PACRG: variants seen among roughly 807,000 people sequenced by gnomAD.
The protein encoded by PACRG is parkin coregulated gene protein.
Under a neutral mutation model 29.7 loss-of-function variants are expected in PACRG, and 29 were observed. The ratio of observed to expected loss-of-function variants is 0.98; its 90% CI spans 0.73 to 1.33. The LOEUF (loss-of-function observed/expected upper bound fraction) is 1.33, where lower values mean the gene tolerates loss of function less well. Among genes scored for constraint, PACRG ranks in the 40% most tolerant of loss-of-function variants. The pLI, the probability that PACRG is intolerant of heterozygous loss-of-function variation, is 0.00. For missense variants in PACRG, 279 were observed against 316.2 expected (o/e 0.88, Z 0.89); for synonymous variants, 116 against 118.7 (o/e 0.98, Z 0.15).
At chr6:163,053,069 G>C (rs1189354688) in intron 2 of PACRG, among the ~76,000 whole-genome samples, 1 of 151,862 alleles carries the variant, frequency 6.6e-6, no homozygotes, top group African/African-American at 2.4e-5. Context: ...TTTAATTCTG[G>C]ATTTCTTAAA....
At chr6:162,870,304 A>T (rs1674405188) in intron 2 of PACRG, among the ~76,000 whole-genome samples, 1 of 152,256 alleles carries the variant, frequency 6.6e-6, no homozygotes, top group Non-Finnish European at 1.5e-5. Flanking sequence ...ATGGATTATT[A>T]CAATACTCTA....
At chr6:162,869,783 A>AAT (rs1249645090) in intron 2 of PACRG, among the ~76,000 whole-genome samples, 2 of 152,374 alleles carry the variant, frequency 1.3e-5, no homozygotes, top group Non-Finnish European at 2.9e-5. Context: ...TTCAGCAAAG[A>AAT]ATATTCTTCC....
intron 4 of PACRG, among the ~76,000 whole-genome samples, chr6:163,311,671 G>C (rs763785381): frequency 6.6e-6 from 1 of 152,074 alleles, no homozygotes; most frequent in East Asian, 1.9e-4. Flanking sequence ...CCAATGATAC[G>C]CATTCTGCAA....
intron 3 of PACRG, among the ~76,000 whole-genome samples, chr6:163,085,006 C>T (rs565993414): frequency 4.9e-4 from 74 of 151,992 alleles, no homozygotes; most frequent in African/African-American, 1.5e-3. Flanking sequence ...AAAAGAACAA[C>T]ACTGGGATAC....
intron 2 of PACRG, among the ~76,000 whole-genome samples, chr6:162,946,472 A>G (rs1248182521): frequency 6.6e-6 from 1 of 152,138 alleles, no homozygotes; most frequent in Non-Finnish European, 1.5e-5. Flanking sequence ...CAGACTGGTA[A>G]TAAGATTAGA....
intron 4 of PACRG, among the ~76,000 whole-genome samples, chr6:163,148,444 G>C (rs114532001): frequency 0.015 from 2,318 of 152,306 alleles, 59 homozygotes; most frequent in African/African-American, 0.052. Flanking sequence ...TGGCCATCAC[G>C]GGCAGGTTCG....
At chr6:162,874,924 TAC>T (rs751883982) in intron 2 of PACRG, among the ~76,000 whole-genome samples, 44 of 151,968 alleles carry the variant, frequency 2.9e-4, no homozygotes, top group African/African-American at 6.5e-4. Context: ...CACATTCATA[TAC>T]ACACACACAT....
At chr6:163,241,764 G>T (rs1238361064) in intron 4 of PACRG, among the ~76,000 whole-genome samples, 1 of 152,180 alleles carries the variant, frequency 6.6e-6, no homozygotes, top group Non-Finnish European at 1.5e-5. Context: ...ACCATGAAGC[G>T]GGTGTGTAGA....
chr6:163,016,640 T>C (rs1209791351), intron 2 of PACRG, among the ~76,000 whole-genome samples: 3 of 152,110 alleles, frequency 2.0e-5, no homozygotes, highest in African/African-American at 7.2e-5. Flanking sequence ...AATGAGCTAG[T>C]AAGTTTTTTT....
intron 2 of PACRG, among the ~76,000 whole-genome samples, chr6:162,995,588 C>T (rs1010343444): frequency 6.6e-6 from 1 of 152,226 alleles, no homozygotes; most frequent in Non-Finnish European, 1.5e-5. Context: ...AATGCCTTGC[C>T]CTGCTTCGGC....
At chr6:163,012,487 A>G (rs1016028683) in intron 2 of PACRG, among the ~76,000 whole-genome samples, 4 of 152,246 alleles carry the variant, frequency 2.6e-5, no homozygotes, top group South Asian at 2.1e-4. Flanking sequence ...TAATATATCC[A>G]TAAGTGTATA....
intron 2 of PACRG, among the ~76,000 whole-genome samples, chr6:163,047,413 T>C (rs1809508537): frequency 6.6e-6 from 1 of 152,244 alleles, no homozygotes; most frequent in South Asian, 2.1e-4. Flanking sequence ...TTTAGGAAAT[T>C]CCTTTAACTA....
intron 2 of PACRG, among the ~76,000 whole-genome samples, chr6:162,959,240 G>C (rs549345659): frequency 1.3e-5 from 2 of 152,012 alleles, no homozygotes; most frequent in Non-Finnish European, 2.9e-5. Context: ...ATTATAGCGG[G>C]TGTATTGGAA....
At chr6:163,045,244 C>A (rs1277529691) in intron 2 of PACRG, among the ~76,000 whole-genome samples, 2 of 152,136 alleles carry the variant, frequency 1.3e-5, no homozygotes, top group Non-Finnish European at 2.9e-5. Flanking sequence ...GGGAGCCACC[C>A]AGCCCCTCTG....
At chr6:162,776,783 C>T (rs1466443390) in intron 1 of PACRG, among the ~76,000 whole-genome samples, 1 of 152,192 alleles carries the variant, frequency 6.6e-6, no homozygotes, top group Non-Finnish European at 1.5e-5. Context: ...TTTCTCTTTA[C>T]TAAGAATTTA....
At chr6:163,214,198 A>G (rs1313743983) in intron 4 of PACRG, among the ~76,000 whole-genome samples, 1 of 152,186 alleles carries the variant, frequency 6.6e-6, no homozygotes, top group East Asian at 1.9e-4. Flanking sequence ...GGCTAGTGTG[A>G]CTAAGGACGT....
intron 4 of PACRG, among the ~76,000 whole-genome samples, chr6:163,234,109 G>T (rs116008973): frequency 0.018 from 2,776 of 152,142 alleles, 93 homozygotes; most frequent in African/African-American, 0.064. Context: ...CACAGAGCAG[G>T]GACAGAAGAT....
intron 4 of PACRG, among the ~76,000 whole-genome samples, chr6:163,156,510 C>T (rs140196784): frequency 2.2e-4 from 33 of 152,256 alleles, no homozygotes; most frequent in Middle Eastern, 6.8e-3. Context: ...TCCACTGCTG[C>T]TGCCTGGGTT....
intron 1 of PACRG, among the ~76,000 whole-genome samples, chr6:162,791,937 TGTG>T: frequency 6.6e-6 from 1 of 151,896 alleles, no homozygotes; most frequent in South Asian, 2.1e-4. Context: ...GGTGTGTAGA[TGTG>T]GTGGTAGCAG....
Sources: allele counts gnomAD v4.1 joint callset (sites outside exome capture counted in the v4.1 genomes callset), GRCh38; gene constraint gnomAD v4.1.1; transcripts MANE v1.5; gene names NCBI Gene and HGNC (gene_info 2026-07-23, HGNC 2026-07-21).